STON1: variants seen among roughly 807,000 people sequenced by gnomAD.
The protein encoded by STON1 is stonin-1.
STON1 carries 79 observed loss-of-function variants against 60.9 expected under a neutral mutation model. The observed-to-expected ratio is 1.30, with a 90% CI of 1.08 to 1.56. The LOEUF (loss-of-function observed/expected upper bound fraction) is 1.56, where lower values mean the gene tolerates loss of function less well. Ranked by LOEUF, STON1 falls within the 40% of genes most tolerant of loss-of-function variation. The pLI, the probability that STON1 is intolerant of heterozygous loss-of-function variation, is 0.00. For missense variants in STON1, 1,166 were observed against 858.9 expected (o/e 1.36, Z -4.47); for synonymous variants, 363 against 306.9 (o/e 1.18, Z -1.91).
chr2:48,585,331 G>A (rs751839739), intron 2 of STON1, among the ~76,000 whole-genome samples: 3 of 151,718 alleles, frequency 2.0e-5, no homozygotes, highest in African/African-American at 4.8e-5. Flanking sequence ...CACTGCAACC[G>A]CTGCCTCCTG....
At chr2:48,568,932 T>C (rs1223275054) in intron 1 of STON1, 2 of 152,234 alleles carry the variant, frequency 1.3e-5, no homozygotes, top group Admixed American at 6.6e-5. Flanking sequence ...GCTATTTCAT[T>C]AGTGAAGGGT....
At chr2:48,554,173 T>G (rs545874258) in intron 1 of STON1, among the ~76,000 whole-genome samples, 87 of 152,324 alleles carry the variant, frequency 5.7e-4, no homozygotes, top group African/African-American at 2.1e-3. Context: ...CTGAGATGAC[T>G]TGGGCTTCCT....
intron 1 of STON1, among the ~76,000 whole-genome samples, chr2:48,565,332 G>A (rs550148750): frequency 1.3e-4 from 20 of 152,256 alleles, no homozygotes; most frequent in African/African-American, 4.6e-4. Context: ...GATTACAGGC[G>A]TGAGCCACCG....
intron 1 of STON1, among the ~76,000 whole-genome samples, chr2:48,542,912 A>AC: frequency 6.6e-6 from 1 of 152,166 alleles, no homozygotes; most frequent in East Asian, 1.9e-4. Context: ...TCAAAAAAAA[A>AC]AGAAGGTCTA....
At chr2:48,560,968 G>A (rs1672586939) in intron 1 of STON1, among the ~76,000 whole-genome samples, 1 of 152,152 alleles carries the variant, frequency 6.6e-6, no homozygotes, top group Admixed American at 6.5e-5. Flanking sequence ...TTTCTGCCTT[G>A]GGGGCTCCTC....
intron 1 of STON1, among the ~76,000 whole-genome samples, chr2:48,576,108 A>C (rs549767680): frequency 5.4e-4 from 81 of 149,550 alleles, no homozygotes; most frequent in African/African-American, 1.9e-3. Flanking sequence ...TAATGGCTGC[A>C]CCACTTTACA....
At position 48,580,880 on chromosome 2, in the gene STON1, A is replaced by T; in HGVS notation, c.247A>T (p.Thr83Ser). Residue 83 changes from threonine (T) to serine (S), a missense_variant, in exon 2 of 4, where the codon ACA becomes TCA. Coordinates refer to ENST00000404752, the MANE Select transcript of STON1 (RefSeq NM_006873.4). ...PGPPSNSPLS[T>S]PTKDFPGFPG... ...ACCTCCAAGTAACTCTCCTCTTTCT[A>T]CACCTACCAAAGACTTCCCAGGTTT... The T allele has an allele frequency of 6.3e-7, 1 of 1,586,736 alleles. No individual in the cohort carries two copies. Among genetic ancestry groups the T allele is most frequent in the Non-Finnish European group, 8.6e-7 (1 of 1,168,818 alleles).
intron 1 of STON1, among the ~76,000 whole-genome samples, chr2:48,563,852 C>A (rs1268085079): frequency 6.6e-6 from 1 of 151,876 alleles, no homozygotes; most frequent in Non-Finnish European, 1.5e-5. Flanking sequence ...TGCCACCATG[C>A]CTGGCGAATT....
chr2:48,586,838 G>A (rs899183921), intron 2 of STON1, among the ~76,000 whole-genome samples: 1 of 152,168 alleles, frequency 6.6e-6, no homozygotes, highest in Non-Finnish European at 1.5e-5. Flanking sequence ...AAGGGTTGCT[G>A]AGCAAAGGCA....
Position 48,596,377 on chromosome 2 carries a change from G to C in STON1, c.*1075G>C, listed in dbSNP as rs1374237743. ...TCAGGTAAATGACTATAATAGTTTG[G>C]TTTCTAATGAAAAGTCAATAGCATT... On this transcript the variant is annotated 3_prime_UTR_variant, in exon 4 of 4. Coordinates refer to ENST00000404752, the MANE Select transcript of STON1 (RefSeq NM_006873.4). 1 of 152,104 alleles carries C rather than the reference G, an allele frequency of 6.6e-6. No homozygotes were observed. Among genetic ancestry groups the C allele is most frequent in the Non-Finnish European group, 1.5e-5 (1 of 68,016 alleles). 9.4% of individuals were successfully genotyped at this position (152,104 alleles called of 1,614,324 possible).
chr2:48,571,558 G>T (rs910862503), intron 1 of STON1, among the ~76,000 whole-genome samples: 1 of 152,170 alleles, frequency 6.6e-6, no homozygotes, highest in Non-Finnish European at 1.5e-5. Flanking sequence ...AATACTCTTG[G>T]ATTCCAGGGT....
intron 3 of STON1, among the ~76,000 whole-genome samples, chr2:48,593,513 T>G (rs958009720): frequency 6.6e-6 from 1 of 152,238 alleles, no homozygotes; most frequent in African/African-American, 2.4e-5. Context: ...TTCCCTTCTG[T>G]CTTTCACATG....
Position 48,550,899 on chromosome 2 carries a change from T to A in STON1, c.-48+20683T>A, listed in dbSNP as rs1390844845. Among the ~76,000 whole-genome samples the A allele has an allele frequency of 2.6e-5, 4 of 152,106 alleles. No individual in the cohort carries two copies. In the East Asian group the frequency reaches 7.7e-4, roughly 29 times the overall value. ...ACACATAACTGAAATTCAACTTGAG[T>A]CCTTTTTGTTCAACCTCTAAGTGAG... On this transcript the variant is annotated intron_variant, in intron 1 of 3. Transcript: ENST00000404752.
chr2:48,537,702 T>C (rs571106166), intron 1 of STON1, among the ~76,000 whole-genome samples: 2 of 151,832 alleles, frequency 1.3e-5, no homozygotes, highest in African/African-American at 4.8e-5. Context: ...TGCCAAAAAT[T>C]AGCTGGGCGT....
chr2:48,578,408 A>C (rs968911381), intron 1 of STON1, among the ~76,000 whole-genome samples: 6 of 152,100 alleles, frequency 3.9e-5, no homozygotes, highest in Non-Finnish European at 7.4e-5. Context: ...ACTTTCTTAA[A>C]ACATGAGATC....
At chr2:48,561,616 A>T (rs1672616793) in intron 1 of STON1, among the ~76,000 whole-genome samples, 1 of 152,154 alleles carries the variant, frequency 6.6e-6, no homozygotes. Flanking sequence ...TGCATTGTAG[A>T]ATGTTTAGCA....
At chr2:48,552,555 G>A (rs936415104) in intron 1 of STON1, among the ~76,000 whole-genome samples, 4 of 152,084 alleles carry the variant, frequency 2.6e-5, no homozygotes, top group Non-Finnish European at 4.4e-5. Flanking sequence ...CTGGGGTCAG[G>A]AGTTCGGGAC....
intron 2 of STON1, 42 bp from the exon 3 acceptor site, chr2:48,591,611 G>A: frequency 6.2e-7 from 1 of 1,602,052 alleles, no homozygotes; most frequent in Non-Finnish European, 8.5e-7. Context: ...ATGTTCAATG[G>A]CCATTAAAAT....
chr2:48,564,462 TTCTTCTTCTTC>T lies in STON1; in HGVS notation c.-47-16123_-47-16113del, dbSNP rs1362992284. On this transcript the variant is annotated intron_variant, in intron 1 of 3. Coordinates refer to ENST00000404752, the MANE Select transcript of STON1 (RefSeq NM_006873.4). ...CTTCTTCTTCTTCTTCTTCTTCTTC[TTCTTCTTCTTC>T]TTCTTCTTTCTTCTTCTTCTTCTTC... Among the ~76,000 whole-genome samples the T allele has an allele frequency of 9.0e-4, 48 of 53,536 alleles. 2 individuals carry two copies. Among genetic ancestry groups the T allele is most frequent in the African/African-American group, 3.2e-3 (45 of 14,222 alleles). The allele number at this position is 53,536 out of a possible 152,430, so 35.1% of individuals were successfully genotyped here. A position where few individuals can be genotyped will look rare whatever the true frequency, so the allele number is the denominator to read the frequency against.
Sources: allele counts gnomAD v4.1 joint callset (sites outside exome capture counted in the v4.1 genomes callset), GRCh38; gene constraint gnomAD v4.1.1; transcripts MANE v1.5; gene names NCBI Gene and HGNC (gene_info 2026-07-23, HGNC 2026-07-21).